MMS22L: variants seen among roughly 807,000 people sequenced by gnomAD.
MMS22L encodes protein MMS22-like.
In MMS22L, 74 loss-of-function variants were observed where a neutral mutation model predicts 159.1. The ratio of observed to expected loss-of-function variants is 0.47; its 90% confidence interval spans 0.39 to 0.56. MMS22L has a LOEUF of 0.56. MMS22L is among the 20% of genes least tolerant of loss of function. The probability of loss-of-function intolerance (pLI) is 0.00; values close to 1 mark genes in which losing one functional copy is unlikely to be tolerated. For synonymous variants in MMS22L, 517 were observed against 506.9 expected (o/e 1.02, Z -0.27); for missense variants, 1,351 against 1,422.1 (o/e 0.95, Z 0.80).
intron 20 of MMS22L, among the ~76,000 whole-genome samples, 183 bp from the exon 21 acceptor site, chr6:97,165,640 T>C (rs892534815): frequency 6.6e-6 from 1 of 152,050 alleles, no homozygotes; most frequent in Non-Finnish European, 1.5e-5. Flanking sequence ...GCCTGGGCAA[T>C]ACATATGATA....
chr6:97,207,378 T>G (rs575831456), intron 14 of MMS22L, among the ~76,000 whole-genome samples: 13 of 152,330 alleles, frequency 8.5e-5, no homozygotes, highest in African/African-American at 2.9e-4. Context: ...CTGTGTGTTA[T>G]ACTTCAATGT....
At chr6:97,259,138 C>T (rs1381464689) in intron 9 of MMS22L, 1 of 152,092 alleles carries the variant, frequency 6.6e-6, no homozygotes, top group Non-Finnish European at 1.5e-5. Flanking sequence ...TGCCTTTTTC[C>T]TAATTTCTTA....
rs892573490 is a variant in MMS22L, at chr6:97,145,277, TTA to T, written c.*1527_*1528del. 1.4e-4 allele frequency: 21 copies of T among 152,136 alleles called. No homozygotes were observed. The highest frequency in any genetic ancestry group is 4.3e-4 in the African/African-American group (18 of 41,424). The allele number at this position is 152,136 out of a possible 1,614,324, so 9.4% of individuals were successfully genotyped here. ...GAAGCTGATTTGAGAGAAGGACCAT[TTA>T]TATGTTATGAAAATAACAGACACTC... On this transcript the variant is annotated 3_prime_UTR_variant, in exon 25 of 25. Coordinates refer to ENST00000683635, the MANE Select transcript of MMS22L (RefSeq NM_001350599.2).
intron 2 of MMS22L, 81 bp downstream of exon 2, chr6:97,282,233 T>C: frequency 6.9e-7 from 1 of 1,444,522 alleles, no homozygotes; most frequent in African/African-American, 1.4e-5. Context: ...AACACCAAAG[T>C]TTAATGGGCT....
chr6:97,198,181 C>G lies in MMS22L; in HGVS notation c.2040-11491G>C, dbSNP rs116918571. ...GGAAGTCCAATGACCCTGAGAATAC[C>G]CTGTTCGAGAGGCCACAGACAGCAC... On this transcript the variant is annotated intron_variant, in intron 14 of 24. Coordinates refer to ENST00000683635, the MANE Select transcript of MMS22L (RefSeq NM_001350599.2). Among the ~76,000 whole-genome samples the G allele has an allele frequency of 9.5e-4, 144 of 152,192 alleles. No homozygotes were observed. The East Asian group carries it at 0.023, about 24-fold the overall frequency.
chr6:97,185,179 G>A (rs1481644366), intron 15 of MMS22L, among the ~76,000 whole-genome samples: 1 of 151,940 alleles, frequency 6.6e-6, no homozygotes. Context: ...CTTTCCCACA[G>A]CATTTATCAC....
intron 15 of MMS22L, among the ~76,000 whole-genome samples, chr6:97,185,925 C>G (rs1034801186): frequency 6.6e-6 from 1 of 151,940 alleles, no homozygotes. Flanking sequence ...GATATATATG[C>G]GCATATATTC....
At chr6:97,281,402 AAGTAC>A in intron 2 of MMS22L, 40 bp from the exon 3 acceptor site, 1 of 1,505,150 alleles carries the variant, frequency 6.6e-7, no homozygotes, top group Non-Finnish European at 9.0e-7. Context: ...AAAGTATACT[AAGTAC>A]CATAATACGA....
Position 97,281,315 on chromosome 6 carries a change from G to T in MMS22L, c.212C>A (p.Thr71Asn). The T allele has an allele frequency of 6.2e-7, 1 of 1,608,834 alleles. No individual in the cohort carries two copies. The highest frequency in any genetic ancestry group is 8.5e-7 in the Non-Finnish European group (1 of 1,177,672). Reference protein sequence around the residue: ...DPLPTNFEEDTLEIFGIQWVT... With the variant: ...DPLPTNFEEDNLEIFGIQWVT... ...CCACTGAATGCCAAATATTTCCAAG[G>T]TATCTTCTTCAAAATTAGTTGGTAA... The change falls in exon 3 of 25, where the codon ACC (threonine) becomes AAC (asparagine). Residue 71 changes from threonine (T) to asparagine (N), a missense_variant. By Grantham distance (65) the Thr-to-Asn change is moderately conservative. Coordinates refer to ENST00000683635, the MANE Select transcript of MMS22L (RefSeq NM_001350599.2).
At chr6:97,207,146 CTT>C (rs1053077717) in intron 14 of MMS22L, among the ~76,000 whole-genome samples, 1 of 152,130 alleles carries the variant, frequency 6.6e-6, no homozygotes, top group African/African-American at 2.4e-5. Context: ...GTGGTAAACT[CTT>C]TCTCAAAAAG....
At chr6:97,181,351 A>G (rs1562426799) in intron 16 of MMS22L, among the ~76,000 whole-genome samples, 1 of 150,828 alleles carries the variant, frequency 6.6e-6, no homozygotes, top group Non-Finnish European at 1.5e-5. Context: ...TATTCATTCT[A>G]TTTTTTTTTC....
At chr6:97,234,641 C>T (rs1259511841) in intron 11 of MMS22L, among the ~76,000 whole-genome samples, 2 of 152,098 alleles carry the variant, frequency 1.3e-5, no homozygotes, top group African/African-American at 4.8e-5. Context: ...AGAGATAGCA[C>T]ATGTACTGGT....
intron 9 of MMS22L, among the ~76,000 whole-genome samples, chr6:97,256,990 T>C (rs1216409379): frequency 1.3e-5 from 2 of 152,172 alleles, no homozygotes; most frequent in Non-Finnish European, 2.9e-5. Context: ...TTCTGTAAGA[T>C]GCTTTAAATT....
chr6:97,189,716 T>C (rs1805671539), intron 14 of MMS22L, among the ~76,000 whole-genome samples: 2 of 151,934 alleles, frequency 1.3e-5, no homozygotes. Flanking sequence ...ACCACACTTG[T>C]GTTGGAAATG....
At chr6:97,172,710 T>C (rs1029362126) in intron 19 of MMS22L, among the ~76,000 whole-genome samples, 9 of 152,196 alleles carry the variant, frequency 5.9e-5, no homozygotes, top group South Asian at 2.1e-4. Flanking sequence ...AGTTTTCTGA[T>C]GTTTTTAATT....
At chr6:97,204,604 C>T (rs1269697170) in intron 14 of MMS22L, among the ~76,000 whole-genome samples, 1 of 151,924 alleles carries the variant, frequency 6.6e-6, no homozygotes, top group East Asian at 1.9e-4. Flanking sequence ...CTAGCCTGGG[C>T]AATAAGTGAG....
chr6:97,223,111 G>C (rs887369070), intron 14 of MMS22L, among the ~76,000 whole-genome samples: 22 of 152,068 alleles, frequency 1.4e-4, no homozygotes, highest in African/African-American at 5.3e-4. Context: ...ATCAGCTCCA[G>C]TTAGCAGAAA....
intron 14 of MMS22L, among the ~76,000 whole-genome samples, chr6:97,200,749 G>A (rs766034918): frequency 1.3e-5 from 2 of 152,016 alleles, no homozygotes; most frequent in Non-Finnish European, 2.9e-5. Flanking sequence ...AGTGCTATAG[G>A]AGCAGATATA....
Position 97,179,417 on chromosome 6 carries a change from C to T in MMS22L, c.2527G>A (p.Glu843Lys). The part of the protein sequence containing the change: ...DDLLIDKNLE[E>K]AVEKEYMKQL... ...ACGTACACTTACTTACCAACTGCCT[C>T]TTCCAGATTTTTATCTATGAGCAAA... The change falls in exon 17 of 25, where the codon GAG becomes AAG. Residue 843 changes from glutamate to lysine, a missense_variant. Physicochemically the swap from Glu to Lys is moderately conservative, Grantham distance 56. Coordinates refer to ENST00000683635, the MANE Select transcript of MMS22L (RefSeq NM_001350599.2). 6.2e-7 allele frequency: 1 copy of T among 1,612,522 alleles called. No individual in the cohort carries two copies. Among genetic ancestry groups the T allele is most frequent in the East Asian group, 2.2e-5 (1 of 44,784 alleles).
Sources: allele counts gnomAD v4.1 joint callset (sites outside exome capture counted in the v4.1 genomes callset), GRCh38; gene constraint gnomAD v4.1.1; transcripts MANE v1.5; gene names NCBI Gene and HGNC (gene_info 2026-07-23, HGNC 2026-07-21).